CSMD1: variants seen among roughly 807,000 people sequenced by gnomAD.
The protein encoded by CSMD1 is CUB and Sushi multiple domains 1.
A neutral mutation model predicts 417.5 loss-of-function variants in CSMD1; 213 were observed. The observed-to-expected ratio is 0.51, with a 90% CI of 0.46 to 0.57. The LOEUF is 0.57. Among genes scored for constraint, CSMD1 ranks in the 20% least tolerant of loss-of-function variants. The pLI, the probability that CSMD1 is intolerant of heterozygous loss-of-function variation, is 0.00. For missense variants in CSMD1, 6,923 were observed against 4,529.7 expected (o/e 1.53, Z -15.17); for synonymous variants, 2,862 against 1,736.8 (o/e 1.65, Z -16.11).
chr8:3,644,246 C>T (rs185492253), intron 7 of CSMD1, among the ~76,000 whole-genome samples: 148 of 152,316 alleles, frequency 9.7e-4, no homozygotes, highest in East Asian at 7.1e-3. Context: ...TGAGGTGACA[C>T]TAACAGTTGA....
chr8:3,680,896 G>A (rs1296302425), intron 7 of CSMD1, among the ~76,000 whole-genome samples: 2 of 152,058 alleles, frequency 1.3e-5, no homozygotes, highest in African/African-American at 4.8e-5. Context: ...ACGCAAATCA[G>A]TAAACGTAAT....
chr8:3,949,772 G>T (rs776138151), intron 5 of CSMD1, among the ~76,000 whole-genome samples: 4 of 152,154 alleles, frequency 2.6e-5, no homozygotes, highest in Non-Finnish European at 5.9e-5. Flanking sequence ...GCACAAGACA[G>T]CCACAAGCAC....
intron 3 of CSMD1, among the ~76,000 whole-genome samples, chr8:4,342,596 A>C (rs146028441): frequency 6.6e-6 from 1 of 151,862 alleles, no homozygotes; most frequent in East Asian, 1.9e-4. Context: ...GGTTACTGGG[A>C]AAAAAAAGAT....
At chr8:3,538,326 C>G (rs1343286013) in intron 10 of CSMD1, among the ~76,000 whole-genome samples, 2 of 152,190 alleles carry the variant, frequency 1.3e-5, no homozygotes, top group Non-Finnish European at 2.9e-5. Flanking sequence ...GATGCCTCAT[C>G]TGAGATTATG....
chr8:3,779,304 C>T (rs1330063660), intron 5 of CSMD1, among the ~76,000 whole-genome samples: 2 of 151,866 alleles, frequency 1.3e-5, no homozygotes. Context: ...TTGAACTTTT[C>T]TATTGATTTT....
At chr8:4,822,471 G>A (rs1161614609) in intron 1 of CSMD1, among the ~76,000 whole-genome samples, 1 of 151,980 alleles carries the variant, frequency 6.6e-6, no homozygotes. Context: ...CAGTTTACGT[G>A]GATTGTAACC....
chr8:3,305,622 C>T (rs929150530), intron 25 of CSMD1, among the ~76,000 whole-genome samples: 3 of 151,966 alleles, frequency 2.0e-5, no homozygotes, highest in Non-Finnish European at 4.4e-5. Flanking sequence ...CAATGCCATG[C>T]CCTTGGACTT....
At chr8:4,014,382 C>A (rs149531926) in intron 4 of CSMD1, among the ~76,000 whole-genome samples, 101 of 152,216 alleles carry the variant, frequency 6.6e-4, no homozygotes, top group African/African-American at 2.3e-3. Context: ...TATGTCAATG[C>A]ACATAGAAGT....
At chr8:4,403,955 C>G (rs907620502) in intron 3 of CSMD1, among the ~76,000 whole-genome samples, 5 of 152,194 alleles carry the variant, frequency 3.3e-5, no homozygotes, top group African/African-American at 9.7e-5. Flanking sequence ...CTTTCAAAAC[C>G]TTTGGCATCA....
chr8:4,108,908 A>C (rs575375924), intron 3 of CSMD1, among the ~76,000 whole-genome samples: 5 of 152,332 alleles, frequency 3.3e-5, no homozygotes, highest in South Asian at 2.1e-4. Context: ...AATCATTTAA[A>C]AAACTGTGAC....
At chr8:3,541,922 C>T (rs919488249) in intron 10 of CSMD1, among the ~76,000 whole-genome samples, 10 of 151,948 alleles carry the variant, frequency 6.6e-5, no homozygotes, top group South Asian at 2.1e-4. Flanking sequence ...ATTAGCTGGG[C>T]GTGGTGGCTT....
At chr8:3,457,158 C>T (rs374350825) in intron 12 of CSMD1, among the ~76,000 whole-genome samples, 1 of 139,920 alleles carries the variant, frequency 7.1e-6, no homozygotes, top group African/African-American at 2.6e-5. Flanking sequence ...ACACCTCATC[C>T]TGTACCTCTC....
intron 7 of CSMD1, among the ~76,000 whole-genome samples, chr8:3,629,263 C>T (rs1259466674): frequency 1.3e-5 from 2 of 152,100 alleles, no homozygotes; most frequent in African/African-American, 4.8e-5. Flanking sequence ...CATGAAGACC[C>T]TTTCTGAATA....
At position 3,369,368 on chromosome 8, in the gene CSMD1, G is replaced by C. The variant is rs768811613; in HGVS notation, c.2785C>G (p.Leu929Val). 1.4e-6 allele frequency: 2 copies of C among 1,470,906 alleles called. No individual in the cohort carries two copies. Among genetic ancestry groups the C allele is most frequent in the Admixed American group, 1.7e-5 (1 of 58,580 alleles). 91.1% of individuals were successfully genotyped at this position (1,470,906 alleles called of 1,614,324 possible). ...TTCCCTTGGATGTAGCCTCCACATA[G>C]AGCTTAAAATAATAAAGAGAGATGA... is the stretch of plus-strand genomic sequence containing the variant. ...WNHALPSCDALCGGYIQGKSG... is the reference protein window; with the variant it reads ...WNHALPSCDAVCGGYIQGKSG... The change falls in exon 19 of 70, where the codon CTA (leucine) becomes GTA (valine). Residue 929 changes from leucine to valine, a missense_variant and splice_region_variant. Coordinates refer to ENST00000635120, the MANE Select transcript of CSMD1 (RefSeq NM_033225.6).
chr8:4,621,068 G>T (rs2130814672), intron 2 of CSMD1, among the ~76,000 whole-genome samples: 1 of 152,104 alleles, frequency 6.6e-6, no homozygotes, highest in South Asian at 2.1e-4. Context: ...GACCTGAAGT[G>T]GACTTAGAAT....
chr8:4,437,281 G>C (rs749781456), intron 2 of CSMD1, among the ~76,000 whole-genome samples: 1 of 152,124 alleles, frequency 6.6e-6, no homozygotes. Context: ...TTCCTTTTAA[G>C]TAACTGAAAT....
chr8:3,617,785 T>C (rs1802215935), intron 7 of CSMD1, among the ~76,000 whole-genome samples: 1 of 152,176 alleles, frequency 6.6e-6, no homozygotes, highest in Admixed American at 6.5e-5. Context: ...TTCTGAACAT[T>C]CTGTTGTATT....
At chr8:4,399,848 A>G (rs1450144155) in intron 3 of CSMD1, among the ~76,000 whole-genome samples, 1 of 152,194 alleles carries the variant, frequency 6.6e-6, no homozygotes, top group African/African-American at 2.4e-5. Flanking sequence ...AAGGTGAGAG[A>G]AAGATCCCAG....
rs377607115 is a variant in CSMD1, at chr8:3,956,808, C to G, written c.818+41095G>C. ...ATCGATTTAGGAGCTTGAAGGACAC[C>G]CAGCCGTTACGGAAGGAAGAGAGAA... On this transcript the variant is annotated intron_variant, in intron 5 of 69. Transcript: ENST00000635120. Among the ~76,000 whole-genome samples the G allele has an allele frequency of 1.7e-4, 26 of 152,238 alleles. 2 individuals are homozygous for G. In the South Asian group the frequency reaches 5.4e-3, roughly 32 times the overall value.
Sources: allele counts gnomAD v4.1 joint callset (sites outside exome capture counted in the v4.1 genomes callset), GRCh38; gene constraint gnomAD v4.1.1; transcripts MANE v1.5; gene names NCBI Gene and HGNC (gene_info 2026-07-23, HGNC 2026-07-21).